DLC1: variants seen among roughly 807,000 people sequenced by gnomAD.
DLC1 encodes rho GTPase-activating protein 7.
A neutral mutation model predicts 140.3 loss-of-function variants in DLC1; 54 were observed. The observed-to-expected ratio is 0.38, with a 90% CI of 0.31 to 0.48. DLC1 has a LOEUF of 0.48. Ranked by LOEUF, DLC1 falls within the 20% of genes least tolerant of loss-of-function variation. The pLI is 0.96. For synonymous variants in DLC1, 986 were observed against 728.1 expected (o/e 1.35, Z -5.70); for missense variants, 2,536 against 1,907.0 (o/e 1.33, Z -6.14).
chr8:13,425,288 A>G (rs541820780), intron 2 of DLC1, among the ~76,000 whole-genome samples: 17 of 152,226 alleles, frequency 1.1e-4, no homozygotes, highest in Non-Finnish European at 1.6e-4. Flanking sequence ...GTTGCCAGGA[A>G]CACAGACAGC....
At position 13,547,410 on chromosome 8, in the gene DLC1, C is replaced by G. The variant is rs1050360343; in HGVS notation, c.-125-47214G>C. On this transcript the variant is annotated intron_variant, in intron 1 of 1. Coordinates refer to the DLC1 transcript ENST00000631382. ...CTCATATCACGAATCACATTTAATACATGTATTAAAGAAGAAAATGACTGC... is the reference window on the plus strand; with the variant it reads ...CTCATATCACGAATCACATTTAATAGATGTATTAAAGAAGAAAATGACTGC... Among the ~76,000 whole-genome samples the G allele has an allele frequency of 2.1e-3, 313 of 152,010 alleles. 2 individuals are homozygous for G. Among genetic ancestry groups the G allele is most frequent in the Non-Finnish European group, 4.3e-4 (29 of 67,936 alleles).
chr8:13,527,252 A>G (rs1043175710), intron 1 of DLC1, among the ~76,000 whole-genome samples: 1 of 152,218 alleles, frequency 6.6e-6, no homozygotes, highest in Admixed American at 6.6e-5. Flanking sequence ...AAGTTGAGAA[A>G]TCCTGCTGTA....
chr8:13,199,989 A>C, intron 5 of DLC1, among the ~76,000 whole-genome samples: 1 of 152,194 alleles, frequency 6.6e-6, no homozygotes, highest in East Asian at 1.9e-4. Flanking sequence ...ATGTTCTGAA[A>C]GAGTTAGATG....
intron 5 of DLC1, among the ~76,000 whole-genome samples, chr8:13,240,449 G>A (rs1227674366): frequency 6.6e-6 from 1 of 152,096 alleles, no homozygotes. Flanking sequence ...CTGAGACAGG[G>A]TCTCTCTCTT....
In DLC1 at chr8:13,500,186, C is replaced by A; in HGVS notation, c.-115G>T. 1 of 920,902 alleles carries A rather than the reference C, an allele frequency of 1.1e-6. No individual in the cohort carries two copies. The highest frequency in any genetic ancestry group is 1.6e-6 in the Non-Finnish European group (1 of 622,614). 57.0% of individuals were successfully genotyped at this position (920,902 alleles called of 1,614,324 possible). ...AATCAAAGAAGCGAATGAGTTCTGT[C>A]ATTTCACCACCTATTAAAAAATTCA... On this transcript the variant is annotated 5_prime_UTR_variant, in exon 2 of 18. The change abolishes an upstream ATG in the 5' untranslated region. Transcript: ENST00000276297.
At chr8:13,293,023 G>C (rs185537409) in intron 5 of DLC1, among the ~76,000 whole-genome samples, 5 of 152,180 alleles carry the variant, frequency 3.3e-5, no homozygotes, top group Admixed American at 6.5e-5. Context: ...AGGAGTTTGA[G>C]ACCAGCCTGG....
At chr8:13,266,988 G>T (rs1174156279) in intron 5 of DLC1, among the ~76,000 whole-genome samples, 1 of 152,046 alleles carries the variant, frequency 6.6e-6, no homozygotes, top group East Asian at 1.9e-4. Flanking sequence ...CATCTTCATT[G>T]GTTTACCAAC....
intron 5 of DLC1, among the ~76,000 whole-genome samples, chr8:13,258,548 A>C (rs889905118): frequency 1.3e-5 from 2 of 152,196 alleles, no homozygotes; most frequent in African/African-American, 4.8e-5. Flanking sequence ...GCTCACATCC[A>C]CATTTAAGTT....
At chr8:13,512,736 A>T (rs1475281553) in intron 1 of DLC1, among the ~76,000 whole-genome samples, 3 of 152,102 alleles carry the variant, frequency 2.0e-5, no homozygotes, top group African/African-American at 7.2e-5. Flanking sequence ...GAGTACAAGG[A>T]TATAAATTAG....
At position 13,197,421 on chromosome 8, in the gene DLC1, T is replaced by C. The variant is rs569004129; in HGVS notation, c.1349-81764A>G. Among the ~76,000 whole-genome samples the C allele has an allele frequency of 9.2e-5, 14 of 152,182 alleles. No individual in the cohort carries two copies. The South Asian group carries it at 2.9e-3, about 32-fold the overall frequency. ...TGGAGTGCAGTGGCGTGATCTCGGC[T>C]CACTGCAAACTCCACCTCCCAGGTT... On this transcript the variant is annotated intron_variant, in intron 5 of 17. Transcript: ENST00000276297.
chr8:13,549,412 A>G (rs1362761582), intron 1 of DLC1, among the ~76,000 whole-genome samples: 1 of 152,148 alleles, frequency 6.6e-6, no homozygotes, highest in Admixed American at 6.6e-5. Flanking sequence ...ATTTCAAAAC[A>G]CTCTATAAAG....
chr8:13,201,755 T>A (rs1431934228), intron 5 of DLC1, among the ~76,000 whole-genome samples: 2 of 152,136 alleles, frequency 1.3e-5, no homozygotes, highest in Admixed American at 6.5e-5. Flanking sequence ...AAACGCATCA[T>A]GAATGTGTAC....
At chr8:13,530,821 G>A (rs944615153) in intron 1 of DLC1, among the ~76,000 whole-genome samples, 17 of 152,182 alleles carry the variant, frequency 1.1e-4, no homozygotes, top group African/African-American at 4.1e-4. Context: ...TTTCATTTCG[G>A]AGTCATGAAA....
At chr8:13,098,347 T>C (rs1563586732) in intron 10 of DLC1, 52 bp downstream of exon 10, 1 of 1,601,956 alleles carries the variant, frequency 6.2e-7, no homozygotes, top group African/African-American at 1.3e-5. Flanking sequence ...CTCAAGGAAC[T>C]GACCAAAAAT....
At chr8:13,419,121 C>T (rs1838198579) in intron 2 of DLC1, among the ~76,000 whole-genome samples, 3 of 152,158 alleles carry the variant, frequency 2.0e-5, no homozygotes. Flanking sequence ...TGGGCTGATA[C>T]AATGTGGTTT....
At chr8:13,591,169 G>C (rs1210238977) in intron 1 of DLC1, among the ~76,000 whole-genome samples, 3 of 152,056 alleles carry the variant, frequency 2.0e-5, no homozygotes, top group Admixed American at 6.6e-5. Flanking sequence ...ATTAAAAATA[G>C]AATGGAAACA....
intron 5 of DLC1, among the ~76,000 whole-genome samples, chr8:13,169,989 C>T (rs1825353006): frequency 6.6e-6 from 1 of 151,760 alleles, no homozygotes; most frequent in South Asian, 2.1e-4. Context: ...TGTGGCACTC[C>T]AGCCTGGCAA....
At chr8:13,377,538 C>G (rs984960890) in intron 4 of DLC1, among the ~76,000 whole-genome samples, 7 of 152,066 alleles carry the variant, frequency 4.6e-5, no homozygotes, top group Non-Finnish European at 7.4e-5. Flanking sequence ...AAATATATGT[C>G]AAAACTGCTT....
chr8:13,448,912 T>C (rs908873423), intron 2 of DLC1, among the ~76,000 whole-genome samples: 11 of 152,190 alleles, frequency 7.2e-5, no homozygotes, highest in African/African-American at 2.4e-4. Context: ...GGGATCATTT[T>C]CTGGCAGTTT....
Sources: gnomAD v4.1 joint callset for allele counts (sites outside exome capture counted in the v4.1 genomes callset) on GRCh38, gnomAD v4.1.1 for gene constraint, MANE v1.5 for transcripts, NCBI Gene and HGNC (gene_info 2026-07-23, HGNC 2026-07-21) for gene names.